Variants in ATF7 observed in about 807,000 individuals in gnomAD.
The protein encoded by ATF7 is activating transcription factor 7.
ATF7 carries 10 observed loss-of-function variants against 50.4 expected under a neutral mutation model. That is an observed-to-expected ratio of 0.20 (90% CI 0.12 to 0.34). The LOEUF is 0.34. ATF7 is among the 10% of genes least tolerant of loss of function. The pLI is 1.00. For synonymous variants in ATF7, 201 were observed against 226.4 expected (o/e 0.89, Z 1.01); for missense variants, 465 against 613.9 (o/e 0.76, Z 2.56).
intron 1 of ATF7, among the ~76,000 whole-genome samples, chr12:53,603,399 A>G (rs1230528560): frequency 6.6e-6 from 1 of 152,126 alleles, no homozygotes; most frequent in Non-Finnish European, 1.5e-5. Context: ...AAAAACAAAA[A>G]CAAAAAAATT....
chr12:53,603,207 G>A (rs1401158085), intron 1 of ATF7, among the ~76,000 whole-genome samples: 1 of 152,130 alleles, frequency 6.6e-6, no homozygotes, highest in African/African-American at 2.4e-5. Context: ...TTGCTGAGAA[G>A]TGGGACAGTA....
At chr12:53,621,343 A>T (rs1248279539) in intron 1 of ATF7, among the ~76,000 whole-genome samples, 3 of 152,342 alleles carry the variant, frequency 2.0e-5, no homozygotes, top group Non-Finnish European at 2.9e-5. Context: ...GACCTAAAAC[A>T]AAAACACAGG....
intron 1 of ATF7, among the ~76,000 whole-genome samples, chr12:53,603,643 C>A (rs1184716476): frequency 1.3e-5 from 2 of 151,104 alleles, no homozygotes; most frequent in East Asian, 2.0e-4. Context: ...TTCCATTATT[C>A]TTGTTTAAAA....
intron 11 of ATF7, among the ~76,000 whole-genome samples, chr12:53,518,768 G>A (rs577661857): frequency 2.0e-5 from 3 of 152,160 alleles, no homozygotes; most frequent in Middle Eastern, 3.4e-3. Context: ...AAATATGGCC[G>A]GGCGCAGTGG....
intron 3 of ATF7, among the ~76,000 whole-genome samples, chr12:53,547,399 C>T (rs533463170): frequency 1.3e-4 from 20 of 150,992 alleles, no homozygotes; most frequent in South Asian, 1.3e-3. Context: ...GATTCTCCTG[C>T]CTCAGCCTCC....
At chr12:53,567,491 T>C (rs1036945737) in intron 2 of ATF7, among the ~76,000 whole-genome samples, 1 of 152,232 alleles carries the variant, frequency 6.6e-6, no homozygotes, top group African/African-American at 2.4e-5. Flanking sequence ...TACCCAGTGT[T>C]TGGCTTTTTA....
At chr12:53,623,230 T>C (rs1034386949) in intron 1 of ATF7, among the ~76,000 whole-genome samples, 12 of 152,108 alleles carry the variant, frequency 7.9e-5, no homozygotes, top group Non-Finnish European at 1.6e-4. Context: ...AGACCAACCG[T>C]CTTTTAACAC....
At chr12:53,609,843 G>T (rs1226319591) in intron 1 of ATF7, among the ~76,000 whole-genome samples, 3 of 35,076 alleles carry the variant, frequency 8.6e-5, no homozygotes, top group Admixed American at 3.2e-4. Flanking sequence ...TTTAGACAGG[G>T]TCTTGCTCTG....
At chr12:53,527,388 G>C (rs1938542687) in intron 9 of ATF7, among the ~76,000 whole-genome samples, 1 of 151,360 alleles carries the variant, frequency 6.6e-6, no homozygotes, top group Non-Finnish European at 1.5e-5. Flanking sequence ...AGGCTCTAGT[G>C]GGAGGATCAT....
chr12:53,560,076 C>T (rs890047651), intron 2 of ATF7, among the ~76,000 whole-genome samples: 1 of 152,068 alleles, frequency 6.6e-6, no homozygotes, highest in Non-Finnish European at 1.5e-5. Context: ...GCACCTGCCA[C>T]CACACCCGGC....
intron 2 of ATF7, among the ~76,000 whole-genome samples, chr12:53,587,653 C>G (rs1942753296): frequency 6.8e-6 from 1 of 147,854 alleles, no homozygotes; most frequent in Admixed American, 6.8e-5. Flanking sequence ...TGCACTCCAG[C>G]CTGAGTGATA....
At chr12:53,617,087 A>G (rs948891859) in intron 1 of ATF7, among the ~76,000 whole-genome samples, 8 of 152,010 alleles carry the variant, frequency 5.3e-5, no homozygotes, top group African/African-American at 1.9e-4. Flanking sequence ...CAGTGCTGCA[A>G]CCTGGGCTGG....
chr12:53,542,107 G>GTTTTTTTTTTTTTTTTTTT (rs1199418506), intron 4 of ATF7, among the ~76,000 whole-genome samples: 1 of 101,450 alleles, frequency 9.9e-6, no homozygotes, highest in African/African-American at 3.7e-5. Context: ...CGCCTGGCCT[G>GTTTTTTTTTTTTTTTTTTT]TTTTTTTTTT....
chr12:53,566,598 T>C (rs568883515), intron 2 of ATF7, among the ~76,000 whole-genome samples: 3 of 152,112 alleles, frequency 2.0e-5, no homozygotes, highest in Non-Finnish European at 4.4e-5. Context: ...CATCCTCTGA[T>C]AGTGAGGCAA....
In ATF7 at chr12:53,512,648, A is replaced by G. The variant is rs17763689; in HGVS notation, c.*4489T>C. 9,379 of 152,286 alleles carry G rather than the reference A, an allele frequency of 0.062. 438 individuals are homozygous for G. Among genetic ancestry groups the G allele is most frequent in the Non-Finnish European group, 0.099 (6,710 of 68,010 alleles). 9.4% of individuals were successfully genotyped at this position (152,286 alleles called of 1,614,324 possible). On this transcript the variant is annotated 3_prime_UTR_variant, in exon 12 of 12. Coordinates refer to ENST00000420353, the MANE Select transcript of ATF7 (RefSeq NM_006856.3). ...TGGAGTGACCAGTCTGCAAGGGAATATGGGACAACTCCTGTCCAGACCAAT... is the reference window on the plus strand; with the variant it reads ...TGGAGTGACCAGTCTGCAAGGGAATGTGGGACAACTCCTGTCCAGACCAAT...
chr12:53,590,062 A>T (rs1485332381), intron 2 of ATF7, among the ~76,000 whole-genome samples: 1 of 152,152 alleles, frequency 6.6e-6, no homozygotes, highest in Admixed American at 6.5e-5. Context: ...AGCTTCTAGT[A>T]AAAGAAGCTG....
chr12:53,609,480 A>G (rs1476530190), intron 1 of ATF7, among the ~76,000 whole-genome samples: 1 of 151,678 alleles, frequency 6.6e-6, no homozygotes, highest in East Asian at 1.9e-4. Flanking sequence ...TAAAAAAAAA[A>G]AAAAAAAATT....
downstream of ATF7, among the ~76,000 whole-genome samples, chr12:53,510,073 CTT>C (rs897381484): frequency 6.8e-6 from 1 of 147,304 alleles, no homozygotes; most frequent in East Asian, 2.0e-4. Flanking sequence ...GAGTTTTGCT[CTT>C]GTTGCCCAGG....
At chr12:53,590,734 C>T (rs1365871497) in intron 2 of ATF7, among the ~76,000 whole-genome samples, 4 of 152,152 alleles carry the variant, frequency 2.6e-5, no homozygotes, top group Non-Finnish European at 4.4e-5. Context: ...TTTCCTCTCC[C>T]CATTTTTTTC....
Sources: gnomAD v4.1 joint callset for allele counts (sites outside exome capture counted in the v4.1 genomes callset) on GRCh38, gnomAD v4.1.1 for gene constraint, MANE v1.5 for transcripts, NCBI Gene and HGNC (gene_info 2026-07-23, HGNC 2026-07-21) for gene names.